DLK1: variants seen among roughly 807,000 people sequenced by gnomAD.
DLK1 encodes delta like non-canonical Notch ligand 1.
Under a neutral mutation model 35.2 loss-of-function variants are expected in DLK1, and 9 were observed. The observed-to-expected ratio is 0.26, with a 90% CI of 0.15 to 0.45. The LOEUF (loss-of-function observed/expected upper bound fraction) is 0.45, where lower values mean the gene tolerates loss of function less well. Among genes scored for constraint, DLK1 ranks in the 20% least tolerant of loss-of-function variants. DLK1 has a pLI of 1.00. For synonymous variants in DLK1, 231 were observed against 228.4 expected, an observed-to-expected ratio of 1.01 and a Z score of -0.10; for missense variants, 522 against 528.5, an observed-to-expected ratio of 0.99 and a Z score of 0.12.
In DLK1 at chr14:100,735,027, T is replaced by C. The variant is rs2036556847; in HGVS notation, c.*131T>C. On this transcript the variant is annotated 3_prime_UTR_variant, in exon 5 of 5. Transcript: ENST00000341267. Reference sequence around the variant, plus strand: ...GTGAACGCTACGCTTACATATATTGTCTTTGTGCTGCTGTGTGACAAACGC... The same window carrying C: ...GTGAACGCTACGCTTACATATATTGCCTTTGTGCTGCTGTGTGACAAACGC... 5 of 1,266,982 alleles carry C rather than the reference T, an allele frequency of 3.9e-6. No homozygotes were observed. The highest frequency in any genetic ancestry group is 5.3e-6 in the Non-Finnish European group (5 of 941,778). The allele number at this position is 1,266,982 out of a possible 1,614,324, so 78.5% of individuals were successfully genotyped here.
intron 3 of DLK1, among the ~76,000 whole-genome samples, chr14:100,730,772 C>T (rs1186607685): frequency 6.6e-6 from 1 of 152,182 alleles, no homozygotes; most frequent in African/African-American, 2.4e-5. Flanking sequence ...GGTGCCGTCC[C>T]GTAAAGATAA....
intron 3 of DLK1, 102 bp from the exon 4 acceptor site, chr14:100,731,940 C>G (rs2036512252): frequency 1.4e-6 from 2 of 1,432,742 alleles, no homozygotes; most frequent in South Asian, 2.9e-5. Flanking sequence ...TACTCCAGAC[C>G]CCACTCGGTG....
chr14:100,734,969 T>C lies in DLK1; in HGVS notation c.*73T>C. 2.7e-6 allele frequency: 4 copies of C among 1,495,336 alleles called. No homozygotes were observed. In the South Asian group the frequency reaches 4.0e-5, roughly 15 times the overall value. 92.6% of individuals were successfully genotyped at this position (1,495,336 alleles called of 1,614,324 possible). A position where few individuals can be genotyped will look rare whatever the true frequency, so the allele number is the denominator to read the frequency against. Reference sequence around the variant, plus strand: ...TACTATACGCGGTCTGTCCTAATCTTTGTGGTGTTCGCTATCTCTTGTGTC... The same window carrying C: ...TACTATACGCGGTCTGTCCTAATCTCTGTGGTGTTCGCTATCTCTTGTGTC... On this transcript the variant is annotated 3_prime_UTR_variant, in exon 5 of 5. Coordinates refer to ENST00000341267, the MANE Select transcript of DLK1 (RefSeq NM_003836.7). This position sits in a 1 kb window ranked among gnomAD's most constrained non-coding sequence, Gnocchi z 7.4.
rs2036587112 is a variant in DLK1 at position 100,737,505 on chromosome 14, A to T, written c.*2609A>T. The T allele has an allele frequency of 1.3e-5, 2 of 152,154 alleles. No individual in the cohort carries two copies. Among genetic ancestry groups the T allele is most frequent in the South Asian group, 4.2e-4 (2 of 4,816 alleles). The allele number at this position is 152,154 out of a possible 1,614,324, so 9.4% of individuals were successfully genotyped here. A position where few individuals can be genotyped will look rare whatever the true frequency, so the allele number is the denominator to read the frequency against. ...ATGTTCCCCTGATAACAAGAAAAAG[A>T]CGTCCCACGGTCGAGGTATCCTTGA... On this transcript the variant is annotated 3_prime_UTR_variant, in exon 5 of 5. Transcript: ENST00000341267.
chr14:100,731,152 T>C (rs891294924), intron 3 of DLK1, among the ~76,000 whole-genome samples: 2 of 152,182 alleles, frequency 1.3e-5, no homozygotes, highest in Admixed American at 1.3e-4. Flanking sequence ...GGAGCTGAAC[T>C]CTGCTGCCAC....
Position 100,735,571 on chromosome 14 carries a change from G to A in DLK1, c.*675G>A, listed in dbSNP as rs1351333250. 1 of 152,134 alleles carries A rather than the reference G, an allele frequency of 6.6e-6. No homozygotes were observed. Among genetic ancestry groups the A allele is most frequent in the African/African-American group, 2.4e-5 (1 of 41,420 alleles). The allele number at this position is 152,134 out of a possible 1,614,324, so 9.4% of individuals were successfully genotyped here. On this transcript the variant is annotated 3_prime_UTR_variant, in exon 5 of 5. Transcript: ENST00000341267. ...CTTTCTCGCCCCTCTCGAGGGAGGG[G>A]TTTGAACACCGACCACCATGGTCCT... is the stretch of plus-strand genomic sequence containing the variant.
At chr14:100,728,759 G>A (rs755336735) in intron 2 of DLK1, 177 bp from the exon 3 acceptor site, 1 of 935,398 alleles carries the variant, frequency 1.1e-6, no homozygotes, top group Admixed American at 2.3e-5. Context: ...CCCTCAGCTT[G>A]GCATGTTTTC....
At chr14:100,728,531 GA>G (rs535164022) in intron 2 of DLK1, 72 bp downstream of exon 2, 3 of 1,510,936 alleles carry the variant, frequency 2.0e-6, no homozygotes, top group African/African-American at 1.4e-5. Flanking sequence ...AAGTCAGGCA[GA>G]AAAAAATAGG....
chr14:100,728,343 G>T (rs576995874), intron 1 of DLK1, 53 bp from the exon 2 acceptor site: 5 of 1,605,792 alleles, frequency 3.1e-6, no homozygotes, highest in African/African-American at 1.3e-5. Context: ...GACAGCCTTT[G>T]CCTTGGCCTG....
chr14:100,734,799 A>G lies in DLK1; in HGVS notation c.1055A>G (p.Gln352Arg). ...MLRKKKNLLLQYNSGEDLAVN... is the reference protein window; with the variant it reads ...MLRKKKNLLLRYNSGEDLAVN... ...CGGAAGAAGAAGAACCTGCTGCTTC[A>G]GTACAACAGCGGGGAGGACCTGGCC... The change falls in exon 5 of 5, where the codon CAG (glutamine) becomes CGG (arginine). Residue 352 changes from glutamine to arginine, a missense_variant. By Grantham distance (43) the Gln-to-Arg change is conservative. Transcript: ENST00000341267. This position sits in a 1 kb window ranked among gnomAD's most constrained non-coding sequence, Gnocchi z 7.4. 3.7e-6 allele frequency: 6 copies of G among 1,613,990 alleles called. No individual in the cohort carries two copies. The highest frequency in any genetic ancestry group is 5.1e-6 in the Non-Finnish European group (6 of 1,180,024).
In DLK1 at chr14:100,734,874, A is replaced by C. The variant is rs1203587463; in HGVS notation, c.1130A>C (p.Glu377Ala). Residue 377 changes from glutamate (E) to alanine (A), a missense_variant, in exon 5 of 5, where the codon GAG (glutamate) becomes GCG (alanine). Transcript: ENST00000341267. The surrounding 1 kb of genome is among the most constrained non-coding windows in gnomAD (Gnocchi z 7.4). Reference protein sequence around the residue: ...EKIDMTTFSKEAGDEEI With the variant: ...EKIDMTTFSKAAGDEEI ...ATCGACATGACCACCTTCAGCAAGG[A>C]GGCCGGCGACGAGGAGATCTAAGCA... The C allele has an allele frequency of 6.3e-7, 1 of 1,597,146 alleles. No individual in the cohort carries two copies. Among genetic ancestry groups the C allele is most frequent in the East Asian group, 2.2e-5 (1 of 44,704 alleles).
intron 4 of DLK1, among the ~76,000 whole-genome samples, 179 bp from the exon 5 acceptor site, chr14:100,733,970 G>A (rs551300910): frequency 6.9e-5 from 9 of 130,530 alleles, no homozygotes; most frequent in East Asian, 2.3e-4. Flanking sequence ...TCACGGCCCC[G>A]GGCACCTCTC....
rs2036570941 is a variant in DLK1, at chr14:100,736,274, A to T, written c.*1378A>T. ...TCAGCTTTTGGGGTTGGACAGCTAA[A>T]CAGCCCTTGGGTACCAGATAGGAAT... On this transcript the variant is annotated 3_prime_UTR_variant, in exon 5 of 5. Coordinates refer to ENST00000341267, the MANE Select transcript of DLK1 (RefSeq NM_003836.7). 6.6e-6 allele frequency: 1 copy of T among 152,076 alleles called. No individual in the cohort carries two copies. The highest frequency in any genetic ancestry group is 1.5e-5 in the Non-Finnish European group (1 of 68,022). The allele number at this position is 152,076 out of a possible 1,614,324, so 9.4% of individuals were successfully genotyped here. A position where few individuals can be genotyped will look rare whatever the true frequency, so the allele number is the denominator to read the frequency against.
At position 100,732,031 on chromosome 14, in the gene DLK1, T is replaced by A; in HGVS notation, c.263-11T>A. On this transcript the variant is annotated splice_polypyrimidine_tract_variant and intron_variant, in intron 3 of 4. Transcript: ENST00000341267. ...GGAAGCTAAGTTCTCGTCTTCCCCG[T>A]CACCCCGCAGATGTTCGGGCCTGCT... 6.2e-7 allele frequency: 1 copy of A among 1,605,214 alleles called. No individual in the cohort carries two copies. Among genetic ancestry groups the A allele is most frequent in the Non-Finnish European group, 8.5e-7 (1 of 1,175,288 alleles).
rs1258252742 is a variant in DLK1, at chr14:100,737,574, T to A, written c.*2678T>A. 6.6e-6 allele frequency: 1 copy of A among 152,346 alleles called. No homozygotes were observed. The highest frequency in any genetic ancestry group is 1.5e-5 in the Non-Finnish European group (1 of 68,128). The allele number at this position is 152,346 out of a possible 1,614,324, so 9.4% of individuals were successfully genotyped here. On this transcript the variant is annotated 3_prime_UTR_variant, in exon 5 of 5. Transcript: ENST00000341267. ...ATTTGTTCACCGTCCACAACCCATC[T>A]GATCAGGAAGCATTTCCAGGCACCT...
At chr14:100,733,835 GGA>G (rs34566958) in intron 4 of DLK1, among the ~76,000 whole-genome samples, 4,992 of 152,166 alleles carry the variant, frequency 0.033, 89 homozygotes, top group South Asian at 0.087. Flanking sequence ...GTAAGAGGTG[GGA>G]GAGGACGTGG....
chr14:100,734,368 G>C lies in DLK1; in HGVS notation c.624G>C (p.Pro208=). The stretch of plus-strand genomic sequence containing the variant: ...TCATCGACAAGACCTGCAGCCGCCC[G>C]GTGACCAACTGCGCCAGCAGCCCGT... The part of the protein sequence containing the change: ...AGFIDKTCSR[P]VTNCASSPCQ... The change falls in exon 5 of 5, where the codon CCG becomes CCC. Residue 208 remains proline, a synonymous_variant. Transcript: ENST00000341267. This position sits in a 1 kb window ranked among gnomAD's most constrained non-coding sequence, Gnocchi z 7.4. 6.2e-7 allele frequency: 1 copy of C among 1,612,106 alleles called. No individual in the cohort carries two copies. Among genetic ancestry groups the C allele is most frequent in the Non-Finnish European group, 8.5e-7 (1 of 1,179,346 alleles).
Position 100,737,347 on chromosome 14 carries a change from C to G in DLK1, c.*2451C>G, listed in dbSNP as rs2036585430. On this transcript the variant is annotated 3_prime_UTR_variant, in exon 5 of 5. Coordinates refer to ENST00000341267, the MANE Select transcript of DLK1 (RefSeq NM_003836.7). ...GGCGGGCGTCTGGTACCCTGCCTGG[C>G]CTCTCTCAGCGTGAGACCTGGACTG... 1 of 151,902 alleles carries G rather than the reference C, an allele frequency of 6.6e-6. No homozygotes were observed. Among genetic ancestry groups the G allele is most frequent in the Non-Finnish European group, 1.5e-5 (1 of 68,008 alleles). The allele number at this position is 151,902 out of a possible 1,614,324, so 9.4% of individuals were successfully genotyped here. A position where few individuals can be genotyped will look rare whatever the true frequency, so the allele number is the denominator to read the frequency against.
Position 100,734,024 on chromosome 14 carries a change from C to T in DLK1, c.405-125C>T, listed in dbSNP as rs1212828016. 12 of 1,273,970 alleles carry T rather than the reference C, an allele frequency of 9.4e-6. No homozygotes were observed. Among genetic ancestry groups the T allele is most frequent in the Non-Finnish European group, 7.3e-6 (7 of 957,564 alleles). 78.9% of individuals were successfully genotyped at this position (1,273,970 alleles called of 1,614,324 possible). On this transcript the variant is annotated intron_variant, in intron 4 of 4. Transcript: ENST00000341267. This position sits in a 1 kb window ranked among gnomAD's most constrained non-coding sequence, Gnocchi z 7.4. ...GTTCCCTCCCTCGCTCCCTCATTCACCTGATGTGTTTTAAGCACCTGCCCC... is the reference window on the plus strand; with the variant it reads ...GTTCCCTCCCTCGCTCCCTCATTCATCTGATGTGTTTTAAGCACCTGCCCC...
Sources: allele counts gnomAD v4.1 joint callset (sites outside exome capture counted in the v4.1 genomes callset), GRCh38; gene constraint gnomAD v4.1.1; non-coding constraint Gnocchi (gnomAD v3.1); transcripts MANE v1.5; gene names NCBI Gene and HGNC (gene_info 2026-07-23, HGNC 2026-07-21).